The following SYN3 variants were observed in gnomAD, a reference collection of about 807,000 sequenced individuals.
SYN3 encodes the protein synapsin III.
SYN3 carries 35 observed loss-of-function variants against 65.8 expected under a neutral mutation model. The ratio of observed to expected loss-of-function variants is 0.53; its 90% CI spans 0.41 to 0.70. SYN3 has a LOEUF of 0.70. SYN3 is among the 30% of genes least tolerant of loss of function. SYN3 has a pLI of 0.00. For synonymous variants in SYN3, 270 were observed against 292.9 expected, an observed-to-expected ratio of 0.92 and a Z score of 0.80; for missense variants, 680 against 749.0, an observed-to-expected ratio of 0.91 and a Z score of 1.08.
chr22:32,575,899 A>T (rs1358356583), intron 7 of SYN3, among the ~76,000 whole-genome samples: 1 of 152,192 alleles, frequency 6.6e-6, no homozygotes, highest in Non-Finnish European at 1.5e-5. Flanking sequence ...CAAACAAAAA[A>T]AAACAAACCT....
chr22:32,805,816 A>G (rs2046718324), intron 6 of SYN3, among the ~76,000 whole-genome samples: 1 of 152,086 alleles, frequency 6.6e-6, no homozygotes, highest in Admixed American at 6.5e-5. Context: ...TTCTAAGGTG[A>G]CCAGGAGATG....
At chr22:33,039,851 G>T (rs2053931487) in intron 1 of SYN3, among the ~76,000 whole-genome samples, 1 of 152,004 alleles carries the variant, frequency 6.6e-6, no homozygotes, top group African/African-American at 2.4e-5. Context: ...ACTTGTATGT[G>T]ACCTAAACAA....
At chr22:32,925,752 C>G (rs2050451202) in intron 4 of SYN3, among the ~76,000 whole-genome samples, 2 of 152,084 alleles carry the variant, frequency 1.3e-5, no homozygotes, top group Admixed American at 1.3e-4. Context: ...AAATCCCACC[C>G]TCAGAGATTC....
In SYN3 at chr22:32,794,046, C is replaced by T. The variant is rs905171364; in HGVS notation, c.711+70869G>A. On this transcript the variant is annotated intron_variant, in intron 6 of 13. Coordinates refer to ENST00000358763, the MANE Select transcript of SYN3 (RefSeq NM_003490.4). ...CTGAGAACCAAGAAGATCCAAGAGC[C>T]TGCAGTTGGCATTTGTGTGTCCAGC... 1.8e-4 allele frequency among the ~76,000 whole-genome samples: 27 copies of T among 152,216 alleles called. 1 individual carries two copies. The highest frequency in any genetic ancestry group is 1.5e-5 in the Non-Finnish European group (1 of 68,042).
intron 6 of SYN3, among the ~76,000 whole-genome samples, chr22:32,682,332 C>G: frequency 6.6e-6 from 1 of 152,160 alleles, no homozygotes; most frequent in Non-Finnish European, 1.5e-5. Context: ...GAGCCAAGAT[C>G]TTTTGAGGAT....
At position 32,664,991 on chromosome 22, in the gene SYN3, CTTTTTTTTTTT is replaced by C. The variant is rs564943069; in HGVS notation, c.712-68266_712-68256del. On this transcript the variant is annotated intron_variant, in intron 6 of 13. Transcript: ENST00000358763. ...AAAGTCCATTGTATAATGTATAATT[CTTTTTTTTTTT>C]TTTTTTTTTTTTTTTGGGGCAGAGC... Among the ~76,000 whole-genome samples, 14 of 68,994 alleles carry C rather than the reference CTTTTTTTTTTT, an allele frequency of 2.0e-4. No homozygotes were observed. The South Asian group carries it at 4.1e-3, about 20-fold the overall frequency. The allele number at this position is 68,994 out of a possible 152,430, so 45.3% of individuals were successfully genotyped here.
chr22:32,790,758 C>T (rs1050768815), intron 6 of SYN3, among the ~76,000 whole-genome samples: 11 of 147,430 alleles, frequency 7.5e-5, no homozygotes, highest in Admixed American at 4.1e-4. Context: ...GTTTAATGAC[C>T]GACCTGCAAA....
chr22:32,542,963 G>T (rs1420233247), intron 7 of SYN3, among the ~76,000 whole-genome samples: 1 of 152,060 alleles, frequency 6.6e-6, no homozygotes, highest in African/African-American at 2.4e-5. Context: ...CCCTCACCCC[G>T]ACAGCAGAGG....
chr22:32,834,826 A>G (rs2047682903), intron 6 of SYN3, among the ~76,000 whole-genome samples: 1 of 152,250 alleles, frequency 6.6e-6, no homozygotes, highest in African/African-American at 2.4e-5. Flanking sequence ...CATGAGACCC[A>G]GAAATGACTG....
At chr22:32,920,139 C>T (rs2146631549) in intron 4 of SYN3, among the ~76,000 whole-genome samples, 1 of 152,350 alleles carries the variant, frequency 6.6e-6, no homozygotes, top group East Asian at 1.9e-4. Context: ...TGAGCGGATG[C>T]ACATTATCAG....
intron 1 of SYN3, among the ~76,000 whole-genome samples, chr22:33,047,863 CAAAAAAAAAA>C (rs58025351): frequency 3.7e-5 from 2 of 53,566 alleles, no homozygotes; most frequent in South Asian, 8.7e-4. Context: ...TTTTCATGTG[CAAAAAAAAAA>C]AAAAAAAAAA....
At chr22:32,636,838 C>T (rs9621514) in intron 6 of SYN3, among the ~76,000 whole-genome samples, 28,592 of 152,128 alleles carry the variant, frequency 0.19, 6,079 homozygotes, top group African/African-American at 0.52. Flanking sequence ...GGTTTCAGCT[C>T]CTCTATCTAT....
chr22:32,849,170 C>G (rs1396528479), intron 6 of SYN3, among the ~76,000 whole-genome samples: 2 of 152,130 alleles, frequency 1.3e-5, no homozygotes, highest in East Asian at 3.8e-4. Context: ...CAAGAAAATC[C>G]TCAGGGTCGG....
At chr22:32,777,635 T>C (rs1383040505) in intron 6 of SYN3, among the ~76,000 whole-genome samples, 1 of 152,176 alleles carries the variant, frequency 6.6e-6, no homozygotes, top group Non-Finnish European at 1.5e-5. Flanking sequence ...ATATAAAGAA[T>C]ATCCCCAAAG....
intron 3 of SYN3, among the ~76,000 whole-genome samples, chr22:32,962,552 T>G (rs5998673): frequency 6.6e-6 from 1 of 152,076 alleles, no homozygotes; most frequent in African/African-American, 2.4e-5. Flanking sequence ...AGATGATATC[T>G]CAGGAATGAG....
At chr22:32,772,183 G>C (rs574894128) in intron 6 of SYN3, among the ~76,000 whole-genome samples, 3 of 152,230 alleles carry the variant, frequency 2.0e-5, no homozygotes, top group East Asian at 1.9e-4. Flanking sequence ...GGGCCACAGG[G>C]GGGGAGAAAA....
intron 6 of SYN3, among the ~76,000 whole-genome samples, chr22:32,603,407 C>A (rs2059314853): frequency 6.6e-6 from 1 of 150,976 alleles, no homozygotes; most frequent in Non-Finnish European, 1.5e-5. Flanking sequence ...GTAGTCCCAG[C>A]TACTAGGGAG....
chr22:32,925,391 C>T (rs2050441970), intron 4 of SYN3, among the ~76,000 whole-genome samples: 1 of 152,194 alleles, frequency 6.6e-6, no homozygotes, highest in Non-Finnish European at 1.5e-5. Context: ...CGAGTTGAGA[C>T]TTCATCTTTT....
At chr22:32,768,407 G>A (rs1391903885) in intron 6 of SYN3, among the ~76,000 whole-genome samples, 3 of 151,994 alleles carry the variant, frequency 2.0e-5, no homozygotes, top group Non-Finnish European at 2.9e-5. Context: ...CCAAGTTTAT[G>A]CCCAACTCTC....
Sources: allele counts gnomAD v4.1 joint callset (sites outside exome capture counted in the v4.1 genomes callset), GRCh38; gene constraint gnomAD v4.1.1; transcripts MANE v1.5; gene names NCBI Gene and HGNC (gene_info 2026-07-23, HGNC 2026-07-21).